CA5A: variants seen among roughly 807,000 people sequenced by gnomAD.
CA5A encodes the protein carbonic anhydrase 5A.
A neutral mutation model predicts 37.1 loss-of-function variants in CA5A; 28 were observed. The ratio of observed to expected loss-of-function variants is 0.75; its 90% confidence interval spans 0.56 to 1.03. The LOEUF (loss-of-function observed/expected upper bound fraction) is 1.03, where lower values mean the gene tolerates loss of function less well. Among genes scored for constraint, CA5A ranks in the 50% least tolerant of loss-of-function variants. CA5A has a pLI of 0.00. For missense variants in CA5A, 444 were observed against 399.9 expected (o/e 1.11, Z -0.94); for synonymous variants, 171 against 158.4 (o/e 1.08, Z -0.60).
In CA5A at chr16:87,934,676, G is replaced by C. The variant is rs577496456; in HGVS notation, c.142+1633C>G. 1.3e-3 allele frequency among the ~76,000 whole-genome samples: 191 copies of C among 151,872 alleles called. 1 individual carries two copies. The highest frequency in any genetic ancestry group is 4.5e-3 in the African/African-American group (187 of 41,430). ...GACGGTCGTACTAAGAATAAAAAAG[G>C]GGGGTGGGTGCAGTGGCTCACGCCT... On this transcript the variant is annotated intron_variant, in intron 1 of 6. Transcript: ENST00000649794.
rs758247579 is a variant in CA5A at position 87,901,969 on chromosome 16, C to T, written c.561G>A (p.Gly187=). 3.1e-6 allele frequency: 5 copies of T among 1,613,704 alleles called. No individual in the cohort carries two copies. The highest frequency in any genetic ancestry group is 4.2e-6 in the Non-Finnish European group (5 of 1,179,774). The change falls in exon 5 of 7, where the codon GGG becomes GGA. Residue 187 remains glycine, a synonymous_variant. Coordinates refer to ENST00000649794, the MANE Select transcript of CA5A (RefSeq NM_001739.2). Reference sequence around the variant, plus strand: ...GCCTCTGCAGCGTCTGATGATGGGCCCCGAGCTGCATGGCAGACAAAGGAG... The same window carrying T: ...GCCTCTGCAGCGTCTGATGATGGGCTCCGAGCTGCATGGCAGACAAAGGAG... ...LAVIGVFLKL[G]AHHQTLQRLV... is the part of the protein sequence containing the mutation.
chr16:87,904,310 C>A (rs1192953674), intron 3 of CA5A, among the ~76,000 whole-genome samples: 1 of 151,558 alleles, frequency 6.6e-6, no homozygotes, highest in South Asian at 2.1e-4. Context: ...CCAATGCACT[C>A]CAGTCTGGGT....
At chr16:87,883,082 A>G (rs59361827), downstream of CA5A, 52,858 of 151,856 alleles carry the variant, frequency 0.35, 10,244 homozygotes, top group African/African-American at 0.53. Flanking sequence ...TGCGGTGGCC[A>G]CCATCTCGGC....
chr16:87,933,771 C>T (rs1219561307), intron 1 of CA5A, among the ~76,000 whole-genome samples: 1 of 152,146 alleles, frequency 6.6e-6, no homozygotes, highest in African/African-American at 2.4e-5. Context: ...TTTTTAGTAA[C>T]AATATTCTTT....
chr16:87,928,451 G>C (rs7195091), intron 1 of CA5A, among the ~76,000 whole-genome samples: 33 of 152,252 alleles, frequency 2.2e-4, no homozygotes, highest in African/African-American at 7.9e-4. Flanking sequence ...AAAGTGCTGA[G>C]ATTAGAAGTG....
At chr16:87,899,594 C>T (rs566284538) in intron 5 of CA5A, among the ~76,000 whole-genome samples, 11 of 150,820 alleles carry the variant, frequency 7.3e-5, no homozygotes, top group Admixed American at 1.3e-4. Context: ...TGAGCCACCG[C>T]ACCCAGCCTC....
intron 3 of CA5A, 152 bp from the exon 4 acceptor site, chr16:87,902,672 G>A (rs986022549): frequency 1.1e-4 from 65 of 581,710 alleles, no homozygotes; most frequent in Non-Finnish European, 1.8e-4. Flanking sequence ...TTTGGGAGGC[G>A]GAGGCGGGTG....
downstream of CA5A, chr16:87,886,162 T>TA (rs1294816404): frequency 6.6e-6 from 1 of 151,180 alleles, no homozygotes; most frequent in African/African-American, 2.4e-5. Context: ...TTTTTTTTTT[T>TA]TTTTGAGACA....
chr16:87,914,141 A>T (rs1300931332), intron 2 of CA5A, among the ~76,000 whole-genome samples: 1 of 152,224 alleles, frequency 6.6e-6, no homozygotes, highest in Non-Finnish European at 1.5e-5. Flanking sequence ...AGAAAACTGC[A>T]GCCATGTCAC....
At chr16:87,886,786 A>C (rs2055651902), downstream of CA5A, 1 of 152,242 alleles carries the variant, frequency 6.6e-6, no homozygotes, top group African/African-American at 2.4e-5. Flanking sequence ...TCCCTACAGC[A>C]TGAGTCAGGG....
chr16:87,920,913 C>T (rs1020479308), intron 2 of CA5A, among the ~76,000 whole-genome samples: 11 of 152,198 alleles, frequency 7.2e-5, no homozygotes, highest in African/African-American at 2.7e-4. Flanking sequence ...CCTGCCTCAG[C>T]CTTCCAAGTA....
At chr16:87,929,218 A>G (rs182859693) in intron 1 of CA5A, among the ~76,000 whole-genome samples, 2 of 150,606 alleles carry the variant, frequency 1.3e-5, no homozygotes, top group South Asian at 2.1e-4. Context: ...TTGGGAGGCC[A>G]AGGTGGGTGG....
downstream of CA5A, chr16:87,884,529 T>C (rs1351930949): frequency 6.9e-6 from 1 of 145,900 alleles, no homozygotes; most frequent in Non-Finnish European, 1.5e-5. Flanking sequence ...ATCGCATCAA[T>C]GCACTCCAGC....
intron 3 of CA5A, among the ~76,000 whole-genome samples, chr16:87,903,681 T>G (rs1398583413): frequency 6.6e-6 from 1 of 152,234 alleles, no homozygotes; most frequent in Non-Finnish European, 1.5e-5. Flanking sequence ...TTTTTTGGTT[T>G]GGGTGGACTC....
At chr16:87,920,060 A>T (rs1388011760) in intron 2 of CA5A, among the ~76,000 whole-genome samples, 1 of 152,150 alleles carries the variant, frequency 6.6e-6, no homozygotes, top group Non-Finnish European at 1.5e-5. Flanking sequence ...CACTTCTGAA[A>T]GGTGCACCAG....
At chr16:87,923,879 C>T (rs771223122) in intron 2 of CA5A, 2 of 984,608 alleles carry the variant, frequency 2.0e-6, no homozygotes, top group Non-Finnish European at 2.4e-6. Context: ...AATACATTCA[C>T]ACAAATATTA....
chr16:87,930,437 T>A (rs1293737743), intron 1 of CA5A, among the ~76,000 whole-genome samples: 7 of 152,166 alleles, frequency 4.6e-5, no homozygotes, highest in Admixed American at 4.6e-4. Flanking sequence ...CTGTTCTTTG[T>A]AGACCAGTGG....
At chr16:87,900,130 G>A (rs1486568868) in intron 5 of CA5A, among the ~76,000 whole-genome samples, 1 of 152,000 alleles carries the variant, frequency 6.6e-6, no homozygotes, top group Non-Finnish European at 1.5e-5. Flanking sequence ...TTCCCCGGGA[G>A]GAAAACAGCC....
chr16:87,933,856 C>T (rs1176471745), intron 1 of CA5A, among the ~76,000 whole-genome samples: 5 of 152,144 alleles, frequency 3.3e-5, no homozygotes, highest in African/African-American at 7.2e-5. Context: ...TATGATGTTC[C>T]AATCTTCTCT....
Sources: allele counts gnomAD v4.1 joint callset (sites outside exome capture counted in the v4.1 genomes callset), GRCh38; gene constraint gnomAD v4.1.1; transcripts MANE v1.5; gene names NCBI Gene and HGNC (gene_info 2026-07-23, HGNC 2026-07-21).